PTPRN2: variants seen among roughly 807,000 people sequenced by gnomAD.
The protein encoded by PTPRN2 is protein tyrosine phosphatase receptor type N2.
Under a neutral mutation model 118.8 loss-of-function variants are expected in PTPRN2, and 74 were observed. The ratio of observed to expected loss-of-function variants is 0.62; its 90% CI spans 0.52 to 0.76. The LOEUF (loss-of-function observed/expected upper bound fraction) is 0.76, where lower values mean the gene tolerates loss of function less well. Among genes scored for constraint, PTPRN2 ranks in the 30% least tolerant of loss-of-function variants. The probability of loss-of-function intolerance (pLI) is 0.00; values close to 1 mark genes in which losing one functional copy is unlikely to be tolerated. For synonymous variants in PTPRN2, 641 were observed against 608.0 expected (o/e 1.05, Z -0.80); for missense variants, 1,481 against 1,394.4 (o/e 1.06, Z -0.99).
At chr7:158,483,010 A>T (rs1586772763) in intron 2 of PTPRN2, among the ~76,000 whole-genome samples, 2 of 152,204 alleles carry the variant, frequency 1.3e-5, no homozygotes, top group East Asian at 3.9e-4. Context: ...ATCTCCGAAG[A>T]CACAGAAGCA....
In PTPRN2 at chr7:158,332,097, A is replaced by C. The variant is rs1218019662; in HGVS notation, c.164-15165T>G. 4.7e-5 allele frequency among the ~76,000 whole-genome samples: 7 copies of C among 149,998 alleles called. 1 individual carries two copies. Among genetic ancestry groups the C allele is most frequent in the African/African-American group, 1.8e-4 (7 of 39,682 alleles). ...CTCACACCCACACTCTCACCATAAG[A>C]GCTGAGGCCCACAGAGGTCACTCAC... On this transcript the variant is annotated intron_variant, in intron 2 of 22. Transcript: ENST00000389418.
At chr7:157,997,584 G>T (rs903519279) in intron 11 of PTPRN2, among the ~76,000 whole-genome samples, 1 of 152,104 alleles carries the variant, frequency 6.6e-6, no homozygotes, top group African/African-American at 2.4e-5. Flanking sequence ...CTGGCTGGGT[G>T]GGCAAAGCCA....
Position 158,165,183 on chromosome 7 carries a change from A to C in PTPRN2, c.910+1748T>G, listed in dbSNP as rs940468467. On this transcript the variant is annotated intron_variant, in intron 6 of 22. Coordinates refer to ENST00000389418, the MANE Select transcript of PTPRN2 (RefSeq NM_002847.5). Reference sequence around the variant, plus strand: ...CCCCCGATGGTGTCTAGTACCCACGAAAGTGCAGGAGGCAGTGAAGACCCT... The same window carrying C: ...CCCCCGATGGTGTCTAGTACCCACGCAAGTGCAGGAGGCAGTGAAGACCCT... Among the ~76,000 whole-genome samples, 2 of 27,166 alleles carry C rather than the reference A, an allele frequency of 7.4e-5. 1 individual carries two copies. The highest frequency in any genetic ancestry group is 2.0e-3 in the South Asian group (2 of 996). The allele number at this position is 27,166 out of a possible 152,430, so 17.8% of individuals were successfully genotyped here.
At chr7:158,407,515 C>T (rs71544593) in intron 2 of PTPRN2, among the ~76,000 whole-genome samples, 1 of 8,126 alleles carries the variant, frequency 1.2e-4, no homozygotes, top group African/African-American at 8.5e-4. Flanking sequence ...CTGGGTCCTG[C>T]GTCCTGCGTC....
intron 2 of PTPRN2, among the ~76,000 whole-genome samples, chr7:158,411,082 C>A (rs1213907042): frequency 6.6e-6 from 1 of 151,992 alleles, no homozygotes; most frequent in South Asian, 2.1e-4. Flanking sequence ...CCTGGCACAG[C>A]CTTATTTTCA....
intron 12 of PTPRN2, among the ~76,000 whole-genome samples, chr7:157,698,023 T>C (rs562112505): frequency 2.0e-5 from 3 of 152,352 alleles, no homozygotes; most frequent in Non-Finnish European, 2.9e-5. Flanking sequence ...GCCCTCACCA[T>C]CTACCCATGC....
chr7:158,193,597 TG>T (rs1481362790), intron 4 of PTPRN2, among the ~76,000 whole-genome samples: 1 of 151,948 alleles, frequency 6.6e-6, no homozygotes, highest in Non-Finnish European at 1.5e-5. Context: ...GCGGAGAGCT[TG>T]CCTGAGCCAC....
At chr7:157,931,413 C>A (rs1021444095) in intron 11 of PTPRN2, among the ~76,000 whole-genome samples, 16 of 152,176 alleles carry the variant, frequency 1.1e-4, no homozygotes, top group African/African-American at 3.9e-4. Context: ...CCCAATCAGG[C>A]CTGAGCAGAG....
chr7:158,559,773 C>T (rs1414084341), intron 1 of PTPRN2, among the ~76,000 whole-genome samples: 1 of 152,160 alleles, frequency 6.6e-6, no homozygotes, highest in African/African-American at 2.4e-5. Flanking sequence ...CCCTGGAAGG[C>T]CTGGAGCAAA....
intron 12 of PTPRN2, among the ~76,000 whole-genome samples, chr7:157,828,754 A>G (rs1807352394): frequency 6.6e-6 from 1 of 152,252 alleles, no homozygotes. Flanking sequence ...GCTGACAAGT[A>G]AGACAGGGTC....
intron 11 of PTPRN2, among the ~76,000 whole-genome samples, chr7:158,050,838 C>G (rs1329409271): frequency 6.6e-6 from 1 of 152,236 alleles, no homozygotes; most frequent in Non-Finnish European, 1.5e-5. Flanking sequence ...TGCAAAGAGG[C>G]ACTGAAAGCT....
At chr7:157,928,154 C>T (rs1799135541) in intron 11 of PTPRN2, among the ~76,000 whole-genome samples, 1 of 152,180 alleles carries the variant, frequency 6.6e-6, no homozygotes, top group African/African-American at 2.4e-5. Context: ...AAGGAAGGTG[C>T]AGATGAGGAC....
At chr7:158,052,287 C>T (rs867913668) in intron 11 of PTPRN2, among the ~76,000 whole-genome samples, 10 of 152,172 alleles carry the variant, frequency 6.6e-5, no homozygotes, top group Non-Finnish European at 1.3e-4. Context: ...GATTGGTTTC[C>T]GACTTCCTCT....
chr7:158,097,309 C>G (rs1210420808), intron 10 of PTPRN2, among the ~76,000 whole-genome samples: 2 of 152,124 alleles, frequency 1.3e-5, no homozygotes, highest in Non-Finnish European at 2.9e-5. Context: ...GCACCTCCCG[C>G]GCCCCGTGCA....
rs922913379 is a variant in PTPRN2, at chr7:157,881,119, T to C, written c.1788+17554A>G. Among the ~76,000 whole-genome samples, 7 of 151,540 alleles carry C rather than the reference T, an allele frequency of 4.6e-5. No individual in the cohort carries two copies. Among genetic ancestry groups the C allele is most frequent in the African/African-American group, 9.7e-5 (4 of 41,128 alleles). On this transcript the variant is annotated intron_variant, in intron 12 of 22. Transcript: ENST00000389418. The surrounding 1 kb of genome is among the most constrained non-coding windows in gnomAD (Gnocchi z 4.7). ...ATGGGGGTGTTTACAGTAGTCATTA[T>C]GATAAAATGAAGTCATGAGGGTATG...
chr7:158,370,566 C>T (rs1251638550), intron 2 of PTPRN2, among the ~76,000 whole-genome samples: 6 of 152,258 alleles, frequency 3.9e-5, no homozygotes, highest in African/African-American at 1.4e-4. Context: ...TCCTGGCCAA[C>T]ACGGTGAAAC....
intron 12 of PTPRN2, among the ~76,000 whole-genome samples, chr7:157,693,243 G>C (rs1259996569): frequency 2.0e-5 from 3 of 152,048 alleles, no homozygotes; most frequent in Non-Finnish European, 4.4e-5. Context: ...CAGCGCGCGC[G>C]TCTGTGTGTG....
chr7:158,129,290 T>C (rs1272903205), intron 9 of PTPRN2, among the ~76,000 whole-genome samples: 3 of 126,692 alleles, frequency 2.4e-5, no homozygotes, highest in Admixed American at 7.9e-5. Context: ...ACACAACACA[T>C]AAACCACACA....
At chr7:158,387,135 G>A (rs914991047) in intron 2 of PTPRN2, among the ~76,000 whole-genome samples, 2 of 152,228 alleles carry the variant, frequency 1.3e-5, no homozygotes, top group African/African-American at 4.8e-5. Context: ...AGATCCCCAG[G>A]AGGCTGGGAA....
Sources: gnomAD v4.1 joint callset for allele counts (sites outside exome capture counted in the v4.1 genomes callset) on GRCh38, gnomAD v4.1.1 for gene constraint, Gnocchi (gnomAD v3.1) non-coding constraint, MANE v1.5 for transcripts, NCBI Gene and HGNC (gene_info 2026-07-23, HGNC 2026-07-21) for gene names.